Variants in NXPH1 observed in about 807,000 individuals in gnomAD.
NXPH1 encodes the protein neurexophilin 1.
Under a neutral mutation model 23.7 loss-of-function variants are expected in NXPH1, and 5 were observed. That is an observed-to-expected ratio of 0.21 (90% CI 0.11 to 0.44). NXPH1 has a LOEUF of 0.44. Among genes scored for constraint, NXPH1 ranks in the 20% least tolerant of loss-of-function variants. The pLI is 0.99. For synonymous variants in NXPH1, 144 were observed against 122.2 expected (o/e 1.18, Z -1.18); for missense variants, 324 against 321.6 (o/e 1.01, Z -0.06).
chr7:8,555,693 G>C (rs1167137441), intron 2 of NXPH1, among the ~76,000 whole-genome samples: 1 of 151,690 alleles, frequency 6.6e-6, no homozygotes, highest in East Asian at 2.0e-4. Flanking sequence ...CCCTCTGCTA[G>C]AATTTAGGCA....
In NXPH1 at chr7:8,587,781, C is replaced by T. The variant is rs138295535; in HGVS notation, c.54+152014C>T. On this transcript the variant is annotated intron_variant, in intron 2 of 2. Transcript: ENST00000405863. ...TTAATTTGCTGAGAATGATAGTTTC[C>T]GGCTTCATCCATGTCCCTGCAAAGG... Among the ~76,000 whole-genome samples, 1,064 of 152,146 alleles carry T rather than the reference C, an allele frequency of 7.0e-3. 14 individuals carry two copies. The highest frequency in any genetic ancestry group is 0.024 in the African/African-American group (988 of 41,496).
At chr7:8,711,178 T>C (rs1188147004) in intron 2 of NXPH1, among the ~76,000 whole-genome samples, 4 of 152,140 alleles carry the variant, frequency 2.6e-5, no homozygotes, top group Admixed American at 2.0e-4. Flanking sequence ...AGATTCTCAA[T>C]ACACCTGGAG....
At chr7:8,570,651 T>A (rs1818626276) in intron 2 of NXPH1, among the ~76,000 whole-genome samples, 1 of 151,618 alleles carries the variant, frequency 6.6e-6, no homozygotes, top group African/African-American at 2.4e-5. Flanking sequence ...GAAGAAGGAG[T>A]TATGCAGGCA....
chr7:8,743,694 T>C (rs1338155569), intron 2 of NXPH1, among the ~76,000 whole-genome samples: 22 of 151,474 alleles, frequency 1.5e-4, no homozygotes, highest in Non-Finnish European at 2.4e-4. Flanking sequence ...CTTTTCTTTT[T>C]TTTTTTTGAG....
intron 2 of NXPH1, among the ~76,000 whole-genome samples, chr7:8,679,867 A>C (rs1032787589): frequency 6.6e-6 from 1 of 152,240 alleles, no homozygotes; most frequent in Non-Finnish European, 1.5e-5. Context: ...CTAAAAATAC[A>C]AAAATTAGCC....
intron 2 of NXPH1, among the ~76,000 whole-genome samples, chr7:8,556,049 T>A (rs1287191801): frequency 6.6e-6 from 1 of 151,704 alleles, no homozygotes; most frequent in Admixed American, 6.6e-5. Context: ...ATATTTTTAC[T>A]CATGCAGTTG....
chr7:8,444,814 C>G (rs190053419), intron 2 of NXPH1, among the ~76,000 whole-genome samples: 1 of 152,174 alleles, frequency 6.6e-6, no homozygotes, highest in Non-Finnish European at 1.5e-5. Context: ...GTAAAATGAT[C>G]GCATTTATAA....
chr7:8,478,833 G>T (rs1356711166), intron 2 of NXPH1, among the ~76,000 whole-genome samples: 4 of 151,678 alleles, frequency 2.6e-5, no homozygotes, highest in Admixed American at 6.6e-5. Context: ...GAACAAAATG[G>T]AGTAACATAC....
At chr7:8,461,039 T>C (rs1816685791) in intron 2 of NXPH1, among the ~76,000 whole-genome samples, 2 of 152,192 alleles carry the variant, frequency 1.3e-5, no homozygotes, top group Admixed American at 1.3e-4. Flanking sequence ...GATGGATAAG[T>C]ATTGGATGGA....
intron 2 of NXPH1, among the ~76,000 whole-genome samples, chr7:8,718,449 C>G (rs932072430): frequency 1.3e-5 from 2 of 152,146 alleles, no homozygotes; most frequent in African/African-American, 4.8e-5. Flanking sequence ...TCTGAAAACT[C>G]TGTTAGACAT....
chr7:8,615,754 C>T (rs956578436), intron 2 of NXPH1, among the ~76,000 whole-genome samples: 1 of 151,900 alleles, frequency 6.6e-6, no homozygotes, highest in South Asian at 2.1e-4. Context: ...AAGAAGGTAA[C>T]ACACCAGTGG....
Position 8,751,844 on chromosome 7 carries a change from G to C in NXPH1, c.*75G>C. ...ACAGGGCTGTTACCTCAAAGAAGAAGGTCACATCTGTTGCCTGGAATGTGT... is the reference window on the plus strand; with the variant it reads ...ACAGGGCTGTTACCTCAAAGAAGAACGTCACATCTGTTGCCTGGAATGTGT... On this transcript the variant is annotated 3_prime_UTR_variant, in exon 3 of 3. Coordinates refer to ENST00000405863, the MANE Select transcript of NXPH1 (RefSeq NM_152745.3). This position sits in a 1 kb window ranked among gnomAD's most constrained non-coding sequence, Gnocchi z 4.5. 7.2e-7 allele frequency: 1 copy of C among 1,380,224 alleles called. No individual in the cohort carries two copies. The highest frequency in any genetic ancestry group is 9.7e-7 in the Non-Finnish European group (1 of 1,032,254). The allele number at this position is 1,380,224 out of a possible 1,614,324, so 85.5% of individuals were successfully genotyped here.
intron 2 of NXPH1, among the ~76,000 whole-genome samples, chr7:8,524,143 G>A (rs528498758): frequency 2.6e-5 from 4 of 151,098 alleles, no homozygotes; most frequent in African/African-American, 9.7e-5. Flanking sequence ...TCAGGAGGTC[G>A]AGGCAGGAGA....
At chr7:8,563,125 A>C (rs1818476285) in intron 2 of NXPH1, among the ~76,000 whole-genome samples, 1 of 151,742 alleles carries the variant, frequency 6.6e-6, no homozygotes, top group African/African-American at 2.4e-5. Flanking sequence ...GAATTAGTCA[A>C]ACCTCAGGAG....
intron 2 of NXPH1, among the ~76,000 whole-genome samples, chr7:8,578,678 T>C (rs1400718133): frequency 6.6e-6 from 1 of 152,120 alleles, no homozygotes; most frequent in African/African-American, 2.4e-5. Flanking sequence ...ACGGACAAAG[T>C]CTCTGTTTTC....
chr7:8,710,739 T>C (rs1469057241), intron 2 of NXPH1, among the ~76,000 whole-genome samples: 1 of 104,544 alleles, frequency 9.6e-6, no homozygotes, highest in African/African-American at 5.2e-5. Context: ...CTCGGCTCAC[T>C]GCAAGCTCCG....
At chr7:8,459,474 CTT>C (rs1174577505) in intron 2 of NXPH1, among the ~76,000 whole-genome samples, 23 of 152,124 alleles carry the variant, frequency 1.5e-4, no homozygotes, top group African/African-American at 4.3e-4. Context: ...GAGAAAACAA[CTT>C]TGAGTGCCAG....
intron 2 of NXPH1, among the ~76,000 whole-genome samples, chr7:8,462,849 G>C (rs1261933193): frequency 6.6e-6 from 1 of 152,040 alleles, no homozygotes; most frequent in Non-Finnish European, 1.5e-5. Context: ...CATTTACTTA[G>C]TTATTTCCTT....
intron 2 of NXPH1, among the ~76,000 whole-genome samples, chr7:8,547,763 G>C (rs1818219339): frequency 6.6e-6 from 1 of 151,416 alleles, no homozygotes; most frequent in Non-Finnish European, 1.5e-5. Context: ...TTGATTTTAT[G>C]TTTCTGAGTG....
Sources: gnomAD v4.1 joint callset for allele counts (sites outside exome capture counted in the v4.1 genomes callset) on GRCh38, gnomAD v4.1.1 for gene constraint, Gnocchi (gnomAD v3.1) non-coding constraint, MANE v1.5 for transcripts, NCBI Gene and HGNC (gene_info 2026-07-23, HGNC 2026-07-21) for gene names.